Variants in SLC35D1 observed in about 807,000 individuals in gnomAD.
SLC35D1 encodes the protein nucleotide sugar transporter SLC35D1.
Under a neutral mutation model 46.7 loss-of-function variants are expected in SLC35D1, and 31 were observed. The observed-to-expected ratio is 0.66, with a 90% CI of 0.50 to 0.90. The LOEUF is 0.90. Among genes scored for constraint, SLC35D1 ranks in the 40% least tolerant of loss-of-function variants. The probability of loss-of-function intolerance (pLI) is 0.00; values close to 1 mark genes in which losing one functional copy is unlikely to be tolerated. For synonymous variants in SLC35D1, 195 were observed against 164.6 expected, an observed-to-expected ratio of 1.18 and a Z score of -1.41; for missense variants, 397 against 426.2, an observed-to-expected ratio of 0.93 and a Z score of 0.60.
rs757039088 is a variant in SLC35D1 at position 67,049,804 on chromosome 1, T to C, written c.511A>G (p.Ile171Val). 3.1e-6 allele frequency: 5 copies of C among 1,613,900 alleles called. No homozygotes were observed. The South Asian group carries it at 3.3e-5, about 11-fold the overall frequency. Residue 171 changes from isoleucine (I) to valine (V), a missense_variant, in exon 6 of 12, where the codon ATT becomes GTT. Ile to Val is a conservative substitution (Grantham distance 29). Transcript: ENST00000235345. ...GIKMTVFAMI[I>V]GAFVAASSDL... is the part of the protein sequence containing the mutation. ...TACCTGGCAGCTACAAAGGCTCCAATAATCATTGCAAATACAGTCATTTTA... is the reference window on the plus strand; with the variant it reads ...TACCTGGCAGCTACAAAGGCTCCAACAATCATTGCAAATACAGTCATTTTA...
the SLC35D1 span, among the ~76,000 whole-genome samples, chr1:66,975,015 T>A: frequency 1.3e-5 from 2 of 152,170 alleles, no homozygotes; most frequent in African/African-American, 4.8e-5. Context: ...TGATTTTTTT[T>A]AAAGTCCTGA....
In SLC35D1 at chr1:67,013,158, A is replaced by ATATATATATATATATG; in HGVS notation, c.877-3992_877-3991insCATATATATATATATA. Among the ~76,000 whole-genome samples the ATATATATATATATATG allele has an allele frequency of 3.2e-4, 33 of 103,516 alleles. 3 individuals carry two copies. Among genetic ancestry groups the ATATATATATATATATG allele is most frequent in the African/African-American group, 9.6e-4 (17 of 17,744 alleles). The allele number at this position is 103,516 out of a possible 152,430, so 67.9% of individuals were successfully genotyped here. ...TAATTTAAGAACATATATCCTGGAG[A>ATATATATATATATATG]TATATATATATCCTGTTCTTAAATT... is the stretch of plus-strand genomic sequence containing the variant. On this transcript the variant is annotated intron_variant, in intron 10 of 11. Coordinates refer to ENST00000235345, the MANE Select transcript of SLC35D1 (RefSeq NM_015139.3).
the SLC35D1 span, chr1:66,986,443 C>T: frequency 8.1e-6 from 13 of 1,612,256 alleles, no homozygotes; most frequent in Admixed American, 2.0e-4. Flanking sequence ...TTTCAGCCAT[C>T]AGTTCAAGAG....
At chr1:66,989,767 A>G in the SLC35D1 span, among the ~76,000 whole-genome samples, 11 of 152,202 alleles carry the variant, frequency 7.2e-5, no homozygotes, top group Admixed American at 5.2e-4. Flanking sequence ...CTGAGCTTAA[A>G]CATTTTTAAA....
intron 10 of SLC35D1, among the ~76,000 whole-genome samples, chr1:67,013,158 A>ATATATATATATATACGTATATATATATG: frequency 7.7e-5 from 8 of 103,610 alleles, no homozygotes; most frequent in African/African-American, 3.9e-4. Flanking sequence ...TATCCTGGAG[A>ATATATATATATATACGTATATATATATG]TATATATATA....
chr1:66,995,622 G>A (rs1385123363), downstream of SLC35D1, among the ~76,000 whole-genome samples: 1 of 152,050 alleles, frequency 6.6e-6, no homozygotes, highest in East Asian at 1.9e-4. Context: ...ATGAGGGGAC[G>A]TACTATAACG....
intron 6 of SLC35D1, among the ~76,000 whole-genome samples, chr1:67,049,079 G>T (rs1645281509): frequency 6.6e-6 from 1 of 152,160 alleles, no homozygotes. Flanking sequence ...CGGATCACGA[G>T]GTCAGGAGAT....
Position 67,044,910 on chromosome 1 carries a change from T to G in SLC35D1, c.636+2355A>C, listed in dbSNP as rs536742756. On this transcript the variant is annotated intron_variant, in intron 7 of 11. Transcript: ENST00000235345. ...CAAAAGAAAACAAGAAAACTCCGGATGTATTAAAAAGCACCTCAGCATGGC... is the reference window on the plus strand; with the variant it reads ...CAAAAGAAAACAAGAAAACTCCGGAGGTATTAAAAAGCACCTCAGCATGGC... Among the ~76,000 whole-genome samples the G allele has an allele frequency of 3.9e-4, 59 of 152,288 alleles. 1 individual carries two copies. The highest frequency in any genetic ancestry group is 1.4e-3 in the African/African-American group (57 of 41,568).
At chr1:67,013,931 C>G (rs774150528) in intron 10 of SLC35D1, among the ~76,000 whole-genome samples, 1 of 152,154 alleles carries the variant, frequency 6.6e-6, no homozygotes, top group Non-Finnish European at 1.5e-5. Context: ...CATTGCATAA[C>G]CTGGTTTCAT....
chr1:67,046,174 T>A (rs1427814431), intron 7 of SLC35D1, among the ~76,000 whole-genome samples: 1 of 151,820 alleles, frequency 6.6e-6, no homozygotes, highest in Non-Finnish European at 1.5e-5. Flanking sequence ...CAAAAAAAAA[T>A]AAACTATCTG....
chr1:67,010,708 T>A (rs1489841922), intron 10 of SLC35D1, among the ~76,000 whole-genome samples: 1 of 152,200 alleles, frequency 6.6e-6, no homozygotes, highest in Non-Finnish European at 1.5e-5. Flanking sequence ...TTCCCTTGAA[T>A]ATCATGTTGG....
At chr1:66,982,018 C>T in the SLC35D1 span, 30 of 1,232,650 alleles carry the variant, frequency 2.4e-5, no homozygotes, top group African/African-American at 4.2e-4. Context: ...ACTTCCAGAG[C>T]AGAAAGTAAA....
the SLC35D1 span, among the ~76,000 whole-genome samples, chr1:66,974,072 A>G: frequency 4.2e-4 from 64 of 152,104 alleles, no homozygotes; most frequent in Admixed American, 2.4e-3. Flanking sequence ...TTTGTCGTGC[A>G]TTAACTAGTT....
intron 10 of SLC35D1, among the ~76,000 whole-genome samples, chr1:67,019,419 AT>A (rs1337800688): frequency 6.6e-6 from 1 of 152,220 alleles, no homozygotes; most frequent in Non-Finnish European, 1.5e-5. Context: ...TTACAGCTTA[AT>A]TTGGAATTCT....
chr1:67,050,508 G>GAA lies in SLC35D1; in HGVS notation c.393-6_393-5dup. ...CAGAACTGTAAACATTGGCAAGCTG[G>GAA]AAAAAAAAAAGATAATTAGGTAAAA... On this transcript the variant is annotated splice_polypyrimidine_tract_variant and splice_region_variant and intron_variant, in intron 4 of 11. Coordinates refer to ENST00000235345, the MANE Select transcript of SLC35D1 (RefSeq NM_015139.3). 8 of 1,482,994 alleles carry GAA rather than the reference G, an allele frequency of 5.4e-6. No homozygotes were observed. Among genetic ancestry groups the GAA allele is most frequent in the African/African-American group, 1.5e-5 (1 of 64,964 alleles). The allele number at this position is 1,482,994 out of a possible 1,614,324, so 91.9% of individuals were successfully genotyped here.
At chr1:67,028,850 C>T (rs1285114613) in intron 8 of SLC35D1, among the ~76,000 whole-genome samples, 1 of 152,104 alleles carries the variant, frequency 6.6e-6, no homozygotes, top group African/African-American at 2.4e-5. Flanking sequence ...TTCATTCCTT[C>T]CACTTTATTT....
chr1:67,026,937 G>A (rs1285874937), intron 8 of SLC35D1, among the ~76,000 whole-genome samples: 1 of 152,116 alleles, frequency 6.6e-6, no homozygotes, highest in Non-Finnish European at 1.5e-5. Context: ...ACAAGAACAA[G>A]ATGAGGAAAC....
chr1:67,025,482 A>C (rs1156810094), intron 8 of SLC35D1, among the ~76,000 whole-genome samples: 1 of 152,196 alleles, frequency 6.6e-6, no homozygotes, highest in African/African-American at 2.4e-5. Flanking sequence ...CTGAAGCTTT[A>C]TAAGAAGTGT....
chr1:66,981,538 A>C, the SLC35D1 span, among the ~76,000 whole-genome samples: 1 of 152,136 alleles, frequency 6.6e-6, no homozygotes, highest in Non-Finnish European at 1.5e-5. Context: ...CAAGCTTTAA[A>C]ATTTCCTATG....
Sources: gnomAD v4.1 joint callset for allele counts (sites outside exome capture counted in the v4.1 genomes callset) on GRCh38, gnomAD v4.1.1 for gene constraint, MANE v1.5 for transcripts, NCBI Gene and HGNC (gene_info 2026-07-23, HGNC 2026-07-21) for gene names.